Variants in HSPA12A observed in about 807,000 individuals in gnomAD.
HSPA12A encodes the protein heat shock 70 kDa protein 12A.
A neutral mutation model predicts 69.2 loss-of-function variants in HSPA12A; 28 were observed. That is an observed-to-expected ratio of 0.40 (90% CI 0.30 to 0.55). The LOEUF (loss-of-function observed/expected upper bound fraction) is 0.55. HSPA12A is among the 20% of genes least tolerant of loss of function. The pLI is 0.38. For missense variants in HSPA12A, 686 were observed against 900.7 expected (o/e 0.76, Z 3.05); for synonymous variants, 345 against 370.5 (o/e 0.93, Z 0.79).
chr10:116,739,902 T>C (rs530754733), intron 1 of HSPA12A, among the ~76,000 whole-genome samples: 151 of 151,372 alleles, frequency 1.0e-3, no homozygotes, highest in Non-Finnish European at 1.7e-3. Context: ...CCAACTGCAC[T>C]TGTTGGAGAA....
intron 2 of HSPA12A, among the ~76,000 whole-genome samples, chr10:116,796,163 A>AAAAAAAAAAAAAAAAAG (rs1414051045): frequency 5.0e-5 from 7 of 138,872 alleles, no homozygotes; most frequent in African/African-American, 1.6e-4. Flanking sequence ...AAAAAAAAAA[A>AAAAAAAAAAAAAAAAAG]AAAGAAAGAA....
intron 7 of HSPA12A, among the ~76,000 whole-genome samples, chr10:116,682,490 C>G (rs1849442318): frequency 6.6e-6 from 1 of 151,730 alleles, no homozygotes; most frequent in African/African-American, 2.4e-5. Flanking sequence ...CAGCTGAAGC[C>G]AATATGCATT....
chr10:116,676,239 C>T (rs753357593), intron 11 of HSPA12A, among the ~76,000 whole-genome samples, 160 bp downstream of exon 11: 1 of 152,222 alleles, frequency 6.6e-6, no homozygotes, highest in African/African-American at 2.4e-5. Context: ...GTAACCTCTC[C>T]CATACATGCC....
At chr10:116,744,010 A>AT (rs1554887598), upstream of HSPA12A, among the ~76,000 whole-genome samples, 52 of 152,220 alleles carry the variant, frequency 3.4e-4, no homozygotes, top group Non-Finnish European at 7.2e-4. Flanking sequence ...AAAATCATTA[A>AT]GTCACTGATG....
intron 1 of HSPA12A, among the ~76,000 whole-genome samples, chr10:116,844,321 G>A (rs1376163087): frequency 1.3e-5 from 2 of 152,146 alleles, no homozygotes; most frequent in Admixed American, 6.5e-5. Flanking sequence ...GGCTGGTTTT[G>A]TTATTACTAT....
At chr10:116,850,550 A>C (rs1846048565), upstream of HSPA12A, among the ~76,000 whole-genome samples, 1 of 152,016 alleles carries the variant, frequency 6.6e-6, no homozygotes. Context: ...AGGAGTTTGC[A>C]CTATGGCAAG....
intron 6 of HSPA12A, 58 bp from the exon 7 acceptor site, chr10:116,684,020 G>A: frequency 7.0e-7 from 1 of 1,434,182 alleles, no homozygotes; most frequent in Non-Finnish European, 9.3e-7. Flanking sequence ...CTGCTCCTAG[G>A]ACACCCGTGC....
intron 2 of HSPA12A, among the ~76,000 whole-genome samples, chr10:116,776,317 C>G (rs1844337416): frequency 6.6e-6 from 1 of 152,206 alleles, no homozygotes. Context: ...GCCGCTTCCT[C>G]CCGCTGGTCT....
At chr10:116,838,704 C>T (rs1312060521) in intron 1 of HSPA12A, among the ~76,000 whole-genome samples, 2 of 152,268 alleles carry the variant, frequency 1.3e-5, no homozygotes, top group South Asian at 4.1e-4. Context: ...TTTGTCTTAA[C>T]TTCATACAAA....
chr10:116,748,821 C>G (rs1269869979), intron 2 of HSPA12A, among the ~76,000 whole-genome samples: 1 of 152,156 alleles, frequency 6.6e-6, no homozygotes, highest in East Asian at 1.9e-4. Flanking sequence ...CCACTAGGTC[C>G]CTCCCAAGAC....
intron 1 of HSPA12A, among the ~76,000 whole-genome samples, chr10:116,711,657 C>CTT (rs782816658): frequency 1.0e-4 from 2 of 19,938 alleles, no homozygotes; most frequent in African/African-American, 4.1e-4. Flanking sequence ...CTGACTCTTT[C>CTT]TTTTTTTTTC....
At chr10:116,736,132 G>C (rs1469898184) in intron 1 of HSPA12A, among the ~76,000 whole-genome samples, 4 of 152,128 alleles carry the variant, frequency 2.6e-5, no homozygotes, top group Non-Finnish European at 4.4e-5. Context: ...TGTTTTCCCT[G>C]CTTGGGAGCC....
rs181456335 is a variant in HSPA12A at position 116,782,752 on chromosome 10, G to A, written c.91+52183C>T. The stretch of plus-strand genomic sequence containing the variant: ...TTCAGGGTAGGGGCTGCCTGGTCAG[G>A]GAAGAGGACAGGATCACCAAGGCTT... On this transcript the variant is annotated intron_variant, in intron 2 of 12. Transcript: ENST00000635765. Among the ~76,000 whole-genome samples the A allele has an allele frequency of 4.0e-3, 608 of 152,278 alleles. 4 individuals are homozygous for A. Among genetic ancestry groups the A allele is most frequent in the Non-Finnish European group, 7.6e-3 (514 of 68,024 alleles).
At chr10:116,705,958 C>T (rs1374419517) in intron 2 of HSPA12A, among the ~76,000 whole-genome samples, 3 of 150,606 alleles carry the variant, frequency 2.0e-5, no homozygotes, top group Non-Finnish European at 4.4e-5. Context: ...CGCAGTGGCC[C>T]AATCTCGGCT....
chr10:116,742,099 G>C (rs890282371), intron 1 of HSPA12A, among the ~76,000 whole-genome samples: 1 of 152,022 alleles, frequency 6.6e-6, no homozygotes, highest in Non-Finnish European at 1.5e-5. Flanking sequence ...CACGCGGGGC[G>C]GTCCTCACCC....
Position 116,752,468 on chromosome 10 carries a change from A to G in HSPA12A, c.92-45183T>C, listed in dbSNP as rs538979187. ...CCGTCAATCATTCTCTCCTTCCATCAGACATGTGCTGCAACATAAAATCTA... is the reference window on the plus strand; with the variant it reads ...CCGTCAATCATTCTCTCCTTCCATCGGACATGTGCTGCAACATAAAATCTA... On this transcript the variant is annotated intron_variant, in intron 2 of 12. Coordinates refer to the HSPA12A transcript ENST00000635765. Among the ~76,000 whole-genome samples, 18 of 152,298 alleles carry G rather than the reference A, an allele frequency of 1.2e-4. No homozygotes were observed. The East Asian group carries it at 3.5e-3, about 29-fold the overall frequency.
At chr10:116,808,664 G>C (rs1290048834) in intron 2 of HSPA12A, among the ~76,000 whole-genome samples, 1 of 152,096 alleles carries the variant, frequency 6.6e-6, no homozygotes, top group East Asian at 1.9e-4. Context: ...CCCCACAATG[G>C]TCTGGCGTAA....
chr10:116,842,212 A>C (rs74399543), intron 1 of HSPA12A, among the ~76,000 whole-genome samples: 8,276 of 152,294 alleles, frequency 0.054, 737 homozygotes, highest in African/African-American at 0.19. Flanking sequence ...GTGCAGCAAC[A>C]AAACAGGCAC....
chr10:116,846,279 A>T (rs1474081258), intron 1 of HSPA12A, among the ~76,000 whole-genome samples: 1 of 151,526 alleles, frequency 6.6e-6, no homozygotes, highest in Non-Finnish European at 1.5e-5. Flanking sequence ...TCTTCATCCT[A>T]TTATAACTGT....
Sources: gnomAD v4.1 joint callset for allele counts (sites outside exome capture counted in the v4.1 genomes callset) on GRCh38, gnomAD v4.1.1 for gene constraint, MANE v1.5 for transcripts, NCBI Gene and HGNC (gene_info 2026-07-23, HGNC 2026-07-21) for gene names.